Variants in AGBL4 observed in about 807,000 individuals in gnomAD.
AGBL4 encodes AGBL carboxypeptidase 4, also known as cytosolic carboxypeptidase 6.
A neutral mutation model predicts 66.4 loss-of-function variants in AGBL4; 58 were observed. The observed-to-expected ratio is 0.87, with a 90% CI of 0.71 to 1.09. AGBL4 has a LOEUF of 1.09. AGBL4 is among the 50% of genes least tolerant of loss of function. The pLI, the probability that AGBL4 is intolerant of heterozygous loss-of-function variation, is 0.00. For synonymous variants in AGBL4, 234 were observed against 222.9 expected (o/e 1.05, Z -0.44); for missense variants, 579 against 631.0 (o/e 0.92, Z 0.88).
intron 2 of AGBL4, among the ~76,000 whole-genome samples, chr1:49,749,355 A>G (rs938850603): frequency 2.0e-5 from 3 of 152,144 alleles, no homozygotes; most frequent in African/African-American, 4.8e-5. Context: ...GTTCTGTCCC[A>G]TTGGTCTACA....
At chr1:49,091,884 A>T (rs189512579) in intron 4 of AGBL4, among the ~76,000 whole-genome samples, 1 of 152,282 alleles carries the variant, frequency 6.6e-6, no homozygotes, top group African/African-American at 2.4e-5. Context: ...TTGCAGCAAC[A>T]TGGATGGAGC....
intron 3 of AGBL4, among the ~76,000 whole-genome samples, chr1:49,375,069 T>A (rs1557880836): frequency 6.6e-6 from 1 of 152,168 alleles, no homozygotes. Context: ...TGAACTATGC[T>A]CTTTCATGCC....
chr1:48,822,225 T>A (rs926215094), intron 6 of AGBL4, among the ~76,000 whole-genome samples: 1 of 152,144 alleles, frequency 6.6e-6, no homozygotes, highest in African/African-American at 2.4e-5. Flanking sequence ...CAAAAAAGAC[T>A]TGTTCAAGAA....
chr1:49,930,245 A>G (rs943134898), intron 1 of AGBL4, among the ~76,000 whole-genome samples: 8 of 152,118 alleles, frequency 5.3e-5, no homozygotes, highest in Non-Finnish European at 1.2e-4. Flanking sequence ...AGACACACAA[A>G]TTACTAAAAC....
At chr1:48,980,718 A>AATAT (rs544711494) in intron 5 of AGBL4, among the ~76,000 whole-genome samples, 17 of 92,328 alleles carry the variant, frequency 1.8e-4, no homozygotes, top group African/African-American at 2.5e-4. Flanking sequence ...GTAAAGAAGA[A>AATAT]ATATATATAT....
chr1:49,786,608 CCAGA>C (rs913093148), intron 2 of AGBL4, among the ~76,000 whole-genome samples: 1 of 152,176 alleles, frequency 6.6e-6, no homozygotes, highest in South Asian at 2.1e-4. Context: ...AGTTTCATCT[CCAGA>C]CAAAGTTTTT....
chr1:49,497,404 C>T (rs1169312891), intron 3 of AGBL4, among the ~76,000 whole-genome samples: 2 of 151,750 alleles, frequency 1.3e-5, no homozygotes, highest in Admixed American at 6.6e-5. Context: ...AATTTTGATG[C>T]CTGTGTTTTG....
chr1:48,650,898 T>C (rs530926030), intron 8 of AGBL4, among the ~76,000 whole-genome samples: 35 of 152,346 alleles, frequency 2.3e-4, no homozygotes, highest in African/African-American at 8.2e-4. Flanking sequence ...TGCTTAACTC[T>C]GTGTTTCCTA....
rs570767657 is a variant in AGBL4 at position 49,657,873 on chromosome 1, A to C, written c.282+39440T>G. ...AAAATTAATTCAAGATGGATTAAAG[A>C]CTACACATTAGACCTCAAACCATGA... On this transcript the variant is annotated intron_variant, in intron 3 of 13. Coordinates refer to ENST00000371839, the MANE Select transcript of AGBL4 (RefSeq NM_032785.4). Among the ~76,000 whole-genome samples the C allele has an allele frequency of 3.2e-4, 49 of 152,312 alleles. No individual in the cohort carries two copies. The South Asian group carries it at 7.9e-3, about 24-fold the overall frequency.
At chr1:48,981,547 A>G (rs1440642273) in intron 5 of AGBL4, among the ~76,000 whole-genome samples, 1 of 152,174 alleles carries the variant, frequency 6.6e-6, no homozygotes, top group African/African-American at 2.4e-5. Context: ...GAAGACAAAA[A>G]TAAAATCAAA....
chr1:48,700,491 C>T (rs144713471), intron 6 of AGBL4, among the ~76,000 whole-genome samples: 107 of 152,300 alleles, frequency 7.0e-4, no homozygotes, highest in Non-Finnish European at 1.4e-3. Flanking sequence ...AGGAAATTAG[C>T]CTCAACATTC....
chr1:48,704,064 A>G (rs1646843926), intron 6 of AGBL4, among the ~76,000 whole-genome samples: 2 of 152,222 alleles, frequency 1.3e-5, no homozygotes, highest in Admixed American at 6.5e-5. Flanking sequence ...CCTGTACAGC[A>G]TGGTACTGTA....
chr1:49,337,268 G>A (rs1428202011), intron 3 of AGBL4, among the ~76,000 whole-genome samples: 1 of 152,130 alleles, frequency 6.6e-6, no homozygotes, highest in Admixed American at 6.5e-5. Context: ...TTTTACTGCA[G>A]GTTTGATATT....
At chr1:49,036,861 A>T (rs1008524770) in intron 5 of AGBL4, among the ~76,000 whole-genome samples, 1 of 151,730 alleles carries the variant, frequency 6.6e-6, no homozygotes, top group African/African-American at 2.4e-5. Flanking sequence ...GAGCTAAAAG[A>T]GCAAGAACTT....
At chr1:49,046,358 G>C (rs1468764757) in intron 4 of AGBL4, among the ~76,000 whole-genome samples, 3 of 152,044 alleles carry the variant, frequency 2.0e-5, no homozygotes, top group Admixed American at 1.3e-4. Context: ...CATATGCATT[G>C]TATATATTCA....
chr1:48,943,754 G>T (rs895005723), intron 5 of AGBL4, among the ~76,000 whole-genome samples: 6 of 142,054 alleles, frequency 4.2e-5, no homozygotes, highest in Non-Finnish European at 7.5e-5. Flanking sequence ...AGTCTGGGTG[G>T]TTGTTTGTTG....
chr1:49,084,097 C>T (rs1357587350), intron 4 of AGBL4, among the ~76,000 whole-genome samples: 2 of 139,168 alleles, frequency 1.4e-5, no homozygotes, highest in Non-Finnish European at 3.1e-5. Context: ...TTGGCCAAAG[C>T]CATTCAGAGT....
intron 4 of AGBL4, among the ~76,000 whole-genome samples, chr1:49,176,246 T>C (rs909713478): frequency 1.3e-5 from 2 of 152,160 alleles, no homozygotes; most frequent in African/African-American, 2.4e-5. Flanking sequence ...TGGCATTTGT[T>C]GATTATTAAC....
chr1:49,564,843 T>G (rs570798978), intron 3 of AGBL4, among the ~76,000 whole-genome samples: 93 of 152,320 alleles, frequency 6.1e-4, no homozygotes, highest in Non-Finnish European at 1.1e-3. Context: ...CAGAGCTGAG[T>G]TCAATTCCTG....
Sources: gnomAD v4.1 joint callset for allele counts (sites outside exome capture counted in the v4.1 genomes callset) on GRCh38, gnomAD v4.1.1 for gene constraint, MANE v1.5 for transcripts, NCBI Gene and HGNC (gene_info 2026-07-23, HGNC 2026-07-21) for gene names.